Variants in GALNTL6 observed in about 807,000 individuals in gnomAD.
GALNTL6 encodes polypeptide N-acetylgalactosaminyltransferase like 6, also known as polypeptide N-acetylgalactosaminyltransferase-like 6.
GALNTL6 carries 46 observed loss-of-function variants against 73.7 expected under a neutral mutation model. The ratio of observed to expected loss-of-function variants is 0.62; its 90% CI spans 0.49 to 0.80. The LOEUF (loss-of-function observed/expected upper bound fraction) is 0.80. Ranked by LOEUF, GALNTL6 falls within the 30% of genes least tolerant of loss-of-function variation. The pLI is 0.00. For synonymous variants in GALNTL6, 259 were observed against 263.7 expected (o/e 0.98, Z 0.17); for missense variants, 604 against 755.0 (o/e 0.80, Z 2.34).
In GALNTL6 at chr4:172,172,237, G is replaced by A. The variant is rs190303214; in HGVS notation, c.139-57419G>A. 1.6e-4 allele frequency among the ~76,000 whole-genome samples: 24 copies of A among 152,092 alleles called. No individual in the cohort carries two copies. The East Asian group carries it at 3.9e-3, about 25-fold the overall frequency. On this transcript the variant is annotated intron_variant, in intron 2 of 12. Transcript: ENST00000506823. ...TTTTGAGACAGAGTCTCACTCTGTC[G>A]CCTGGGCTGGAGCACAGTGGTGCGA...
At chr4:172,571,021 G>A (rs770289402) in intron 5 of GALNTL6, among the ~76,000 whole-genome samples, 1 of 152,138 alleles carries the variant, frequency 6.6e-6, no homozygotes, top group Non-Finnish European at 1.5e-5. Context: ...CAAGCAATGG[G>A]AAGCAGCTGT....
intron 5 of GALNTL6, among the ~76,000 whole-genome samples, chr4:172,498,858 C>A (rs1734163964): frequency 6.6e-6 from 1 of 152,138 alleles, no homozygotes; most frequent in South Asian, 2.1e-4. Context: ...ATAAGTAAAT[C>A]ACTGTGTGAT....
intron 5 of GALNTL6, among the ~76,000 whole-genome samples, chr4:172,618,729 T>C (rs1188817543): frequency 6.6e-6 from 1 of 152,142 alleles, no homozygotes; most frequent in Non-Finnish European, 1.5e-5. Flanking sequence ...ATCACTGTTT[T>C]TGTTTCTTTT....
chr4:172,058,243 C>A (rs935384234), intron 2 of GALNTL6, among the ~76,000 whole-genome samples: 1 of 151,916 alleles, frequency 6.6e-6, no homozygotes, highest in African/African-American at 2.4e-5. Flanking sequence ...ACACTGTGAG[C>A]CACCATGCCT....
intron 5 of GALNTL6, among the ~76,000 whole-genome samples, chr4:172,513,382 T>TA (rs1382430068): frequency 1.3e-5 from 2 of 152,210 alleles, no homozygotes; most frequent in Admixed American, 6.5e-5. Flanking sequence ...CCTCTCTGAG[T>TA]AGCTTAATAA....
At chr4:172,848,212 A>G (rs1182572184) in intron 7 of GALNTL6, among the ~76,000 whole-genome samples, 1 of 152,192 alleles carries the variant, frequency 6.6e-6, no homozygotes, top group African/African-American at 2.4e-5. Flanking sequence ...CTCCTCTTCC[A>G]GAAGAAATAC....
chr4:172,746,261 G>A (rs1166983242), intron 5 of GALNTL6, among the ~76,000 whole-genome samples: 1 of 151,932 alleles, frequency 6.6e-6, no homozygotes, highest in Non-Finnish European at 1.5e-5. Flanking sequence ...ACCTTAAAGT[G>A]AGCGTTAAGT....
chr4:172,389,342 G>T (rs1016023916), intron 5 of GALNTL6, among the ~76,000 whole-genome samples: 1 of 151,998 alleles, frequency 6.6e-6, no homozygotes, highest in Non-Finnish European at 1.5e-5. Flanking sequence ...AGAAATCATT[G>T]ATGTAGGAAA....
At chr4:171,989,871 T>C (rs1455526319) in intron 2 of GALNTL6, among the ~76,000 whole-genome samples, 1 of 152,184 alleles carries the variant, frequency 6.6e-6, no homozygotes, top group Non-Finnish European at 1.5e-5. Flanking sequence ...TTTTCATATT[T>C]GATGAAAAAG....
At chr4:172,709,442 G>A (rs956872603) in intron 5 of GALNTL6, among the ~76,000 whole-genome samples, 4 of 152,178 alleles carry the variant, frequency 2.6e-5, no homozygotes, top group Admixed American at 6.5e-5. Context: ...TTGCCAGCCC[G>A]ACTTACCATG....
intron 2 of GALNTL6, among the ~76,000 whole-genome samples, chr4:172,033,557 G>A (rs1227638024): frequency 6.6e-6 from 1 of 151,902 alleles, no homozygotes; most frequent in Admixed American, 6.6e-5. Flanking sequence ...TTATCACAGA[G>A]TTTGGAAAAG....
At chr4:172,126,806 G>C (rs777793562) in intron 2 of GALNTL6, among the ~76,000 whole-genome samples, 7 of 152,038 alleles carry the variant, frequency 4.6e-5, no homozygotes, top group Non-Finnish European at 1.0e-4. Context: ...ACCCTAACTG[G>C]GGTCCCAACA....
At chr4:172,450,025 C>T (rs892914727) in intron 5 of GALNTL6, among the ~76,000 whole-genome samples, 1 of 151,990 alleles carries the variant, frequency 6.6e-6, no homozygotes, top group African/African-American at 2.4e-5. Context: ...TGAGACCAAC[C>T]TGACGAACAT....
chr4:172,869,353 A>C (rs1035233401), intron 7 of GALNTL6, among the ~76,000 whole-genome samples: 2 of 152,238 alleles, frequency 1.3e-5, no homozygotes, highest in Non-Finnish European at 2.9e-5. Flanking sequence ...GCACAGCTTG[A>C]AACACAAATT....
intron 5 of GALNTL6, among the ~76,000 whole-genome samples, chr4:172,415,710 C>T (rs377353421): frequency 1.4e-4 from 21 of 152,182 alleles, no homozygotes; most frequent in African/African-American, 4.8e-4. Flanking sequence ...CCTGAGTGAG[C>T]AATTCCTGTC....
Position 172,091,204 on chromosome 4 carries a change from C to T in GALNTL6, c.139-138452C>T, listed in dbSNP as rs193061232. Among the ~76,000 whole-genome samples, 407 of 152,106 alleles carry T rather than the reference C, an allele frequency of 2.7e-3. 3 individuals carry two copies. Among genetic ancestry groups the T allele is most frequent in the African/African-American group, 9.2e-3 (383 of 41,492 alleles). ...CAAATTTATTTGCAAAATGTTTCAT[C>T]CTTGGCCTAATTATTTGCATACATC... On this transcript the variant is annotated intron_variant, in intron 2 of 12. Transcript: ENST00000506823.
chr4:171,839,649 C>G (rs2110840662), intron 2 of GALNTL6, among the ~76,000 whole-genome samples: 1 of 147,118 alleles, frequency 6.8e-6, no homozygotes, highest in East Asian at 2.0e-4. Context: ...ACAGAAGGGA[C>G]AGCAATCAAG....
At chr4:172,615,708 G>T (rs1327893205) in intron 5 of GALNTL6, among the ~76,000 whole-genome samples, 3 of 152,114 alleles carry the variant, frequency 2.0e-5, no homozygotes, top group Admixed American at 2.0e-4. Flanking sequence ...CCATTGAGTA[G>T]AACTGAAAAT....
intron 2 of GALNTL6, among the ~76,000 whole-genome samples, chr4:171,891,819 T>C (rs1736771862): frequency 6.6e-6 from 1 of 152,230 alleles, no homozygotes. Flanking sequence ...AGTATAAGTA[T>C]GCCCACTACA....
Sources: gnomAD v4.1 joint callset for allele counts (sites outside exome capture counted in the v4.1 genomes callset) on GRCh38, gnomAD v4.1.1 for gene constraint, MANE v1.5 for transcripts, NCBI Gene and HGNC (gene_info 2026-07-23, HGNC 2026-07-21) for gene names.